The following MROH9 variants were observed in gnomAD, a reference collection of about 807,000 sequenced individuals.
The protein encoded by MROH9 is maestro heat-like repeat-containing protein family member 9.
In MROH9, 92 loss-of-function variants were observed where a neutral mutation model predicts 98.2. The ratio of observed to expected loss-of-function variants is 0.94; its 90% CI spans 0.79 to 1.11. MROH9 has a LOEUF of 1.11. Among genes scored for constraint, MROH9 ranks in the 50% most tolerant of loss-of-function variants. The probability of loss-of-function intolerance (pLI) is 0.00; values close to 1 mark genes in which losing one functional copy is unlikely to be tolerated. For missense variants in MROH9, 1,057 were observed against 1,014.8 expected (o/e 1.04, Z -0.57); for synonymous variants, 397 against 368.9 (o/e 1.08, Z -0.87).
chr1:171,003,052 C>T (rs1651835279), intron 15 of MROH9, among the ~76,000 whole-genome samples: 1 of 152,050 alleles, frequency 6.6e-6, no homozygotes, highest in Admixed American at 6.6e-5. Flanking sequence ...TGAGACTTTC[C>T]AGAGCATTTT....
At chr1:170,998,628 G>C in intron 15 of MROH9, 7 of 1,231,258 alleles carry the variant, frequency 5.7e-6, no homozygotes, top group Non-Finnish European at 7.1e-6. Context: ...CTGGGATCTA[G>C]GCAGTACTTC....
intron 1 of MROH9, among the ~76,000 whole-genome samples, chr1:170,942,869 A>G (rs28635731): frequency 0.2 from 30,261 of 152,094 alleles, 3,418 homozygotes; most frequent in East Asian, 0.39. Context: ...ACAAGCTGCT[A>G]TTGCTTGCAG....
At chr1:170,996,436 G>T (rs1000338236) in intron 13 of MROH9, 71 bp from the exon 14 acceptor site, 8 of 1,538,304 alleles carry the variant, frequency 5.2e-6, no homozygotes, top group African/African-American at 1.4e-5. Flanking sequence ...GGATTAAAAG[G>T]CAGGTAATGT....
intron 12 of MROH9, among the ~76,000 whole-genome samples, chr1:170,993,400 T>C (rs1169213495): frequency 6.6e-6 from 1 of 152,160 alleles, no homozygotes; most frequent in East Asian, 1.9e-4. Context: ...TAAAGCCACA[T>C]ATGCCTTGAA....
At chr1:171,033,965 C>T (rs1338732220) in intron 20 of MROH9, among the ~76,000 whole-genome samples, 2 of 151,998 alleles carry the variant, frequency 1.3e-5, no homozygotes, top group East Asian at 3.9e-4. Flanking sequence ...AACATTAAGG[C>T]ATTTTGTAAT....
At chr1:170,955,308 A>G (rs1320934328) in intron 3 of MROH9, among the ~76,000 whole-genome samples, 1 of 151,970 alleles carries the variant, frequency 6.6e-6, no homozygotes, top group African/African-American at 2.4e-5. Flanking sequence ...TCAAATAATG[A>G]CTTCTTTTCA....
chr1:170,990,616 A>T (rs2101807180), intron 11 of MROH9, among the ~76,000 whole-genome samples: 1 of 152,316 alleles, frequency 6.6e-6, no homozygotes, highest in East Asian at 1.9e-4. Context: ...AATTGGCATA[A>T]ACATTGGAAA....
In MROH9 at chr1:171,025,345, G is replaced by C. The variant is rs1343182799; in HGVS notation, c.2206G>C (p.Asp736His). 6 of 1,549,540 alleles carry C rather than the reference G, an allele frequency of 3.9e-6. No homozygotes were observed. Among genetic ancestry groups the C allele is most frequent in the Admixed American group, 2.0e-5 (1 of 50,964 alleles). ...TATTTCTCATAGGAACTACATTACA[G>C]ATTTGACATCTGATACCTTACGATT... is the stretch of plus-strand genomic sequence containing the variant. ...LIISHRNYIT[D>H]LTSDTLRFLW... The change falls in exon 20 of 22, where the codon GAT becomes CAT. Residue 736 changes from aspartate (D) to histidine (H), a missense_variant. Transcript: ENST00000367759.
At chr1:171,012,130 T>C (rs75995464) in intron 15 of MROH9, among the ~76,000 whole-genome samples, 3,400 of 152,224 alleles carry the variant, frequency 0.022, 109 homozygotes, top group African/African-American at 0.078. Flanking sequence ...TATTGAGTGT[T>C]TGAGTTCCTC....
chr1:171,006,680 T>C (rs938745304), intron 15 of MROH9, among the ~76,000 whole-genome samples: 20 of 151,604 alleles, frequency 1.3e-4, no homozygotes, highest in African/African-American at 4.8e-4. Flanking sequence ...TTTTCTTTTT[T>C]TTTTTTTTGG....
intron 20 of MROH9, among the ~76,000 whole-genome samples, chr1:171,041,408 TACACACAC>T (rs137951871): frequency 0.03 from 3,080 of 103,024 alleles, 155 homozygotes; most frequent in African/African-American, 0.099. Flanking sequence ...TCAAGATACA[TACACACAC>T]ACACACACAC....
chr1:171,064,112 G>A lies in MROH9; in HGVS notation c.2358G>A (p.Leu786=), dbSNP rs1254376483. Reference sequence around the variant, plus strand: ...CTGATATTACAGTTATTGAACGACTGCTCCGAGATGAAGACCCTATGATCA... The same window carrying A: ...CTGATATTACAGTTATTGAACGACTACTCCGAGATGAAGACCCTATGATCA... ...IEVMLDVIER[L]LRDEDPMIKQ... Residue 786 remains leucine, a synonymous_variant, in exon 22 of 22, where the codon CTG becomes CTA. Transcript: ENST00000367759. 3.2e-6 allele frequency: 5 copies of A among 1,539,364 alleles called. No individual in the cohort carries two copies. The highest frequency in any genetic ancestry group is 3.5e-6 in the Non-Finnish European group (4 of 1,144,126).
rs75824121 is a variant in MROH9 at position 170,972,140 on chromosome 1, T to G, written c.616+257T>G. 1.7e-3 allele frequency among the ~76,000 whole-genome samples: 253 copies of G among 152,322 alleles called. 1 individual carries two copies. In the East Asian group the frequency reaches 0.042, roughly 25 times the overall value. On this transcript the variant is annotated intron_variant, in intron 8 of 21. Coordinates refer to ENST00000367759, the MANE Select transcript of MROH9 (RefSeq NM_001163629.2). Reference sequence around the variant, plus strand: ...GGGTTAATGGTAGGGAGAGGAATGCTGGGTGGATCCAGGGAGGACAGAGAA... The same window carrying G: ...GGGTTAATGGTAGGGAGAGGAATGCGGGGTGGATCCAGGGAGGACAGAGAA...
chr1:170,947,663 T>C, intron 3 of MROH9, 90 bp downstream of exon 3: 1 of 1,218,870 alleles, frequency 8.2e-7, no homozygotes, highest in Non-Finnish European at 1.2e-6. Context: ...ATGTTACAAG[T>C]AATGTTTAAA....
intron 20 of MROH9, among the ~76,000 whole-genome samples, chr1:171,052,850 C>T (rs757021014): frequency 9.2e-5 from 14 of 152,128 alleles, no homozygotes; most frequent in Admixed American, 1.3e-4. Context: ...CCTGAAAATA[C>T]GCCTTAGTAG....
intron 3 of MROH9, among the ~76,000 whole-genome samples, chr1:170,948,237 G>T (rs1282280757): frequency 6.6e-6 from 1 of 151,838 alleles, no homozygotes; most frequent in East Asian, 1.9e-4. Flanking sequence ...AAGAAACAGG[G>T]GAGGGCTACC....
At chr1:171,006,362 T>A (rs1651952381) in intron 15 of MROH9, among the ~76,000 whole-genome samples, 1 of 152,216 alleles carries the variant, frequency 6.6e-6, no homozygotes. Flanking sequence ...CTCTTTTTTT[T>A]ACTTTTAATA....
chr1:170,972,506 C>A (rs903735647), intron 8 of MROH9, among the ~76,000 whole-genome samples: 6 of 152,084 alleles, frequency 3.9e-5, no homozygotes, highest in Admixed American at 3.9e-4. Flanking sequence ...TAGTAAGCAA[C>A]CTTAAAAATA....
At chr1:171,016,395 A>G in intron 17 of MROH9, 59 bp downstream of exon 17, 1 of 1,267,246 alleles carries the variant, frequency 7.9e-7, no homozygotes, top group African/African-American at 1.6e-5. Flanking sequence ...CTGAAACTCA[A>G]GTTGAGGCAG....
Sources: gnomAD v4.1 joint callset for allele counts (sites outside exome capture counted in the v4.1 genomes callset) on GRCh38, gnomAD v4.1.1 for gene constraint, MANE v1.5 for transcripts, NCBI Gene and HGNC (gene_info 2026-07-23, HGNC 2026-07-21) for gene names.